Variants in OGFRL1 observed in about 807,000 individuals in gnomAD.
OGFRL1 encodes opioid growth factor receptor-like protein 1.
Under a neutral mutation model 32.4 loss-of-function variants are expected in OGFRL1, and 26 were observed. That is an observed-to-expected ratio of 0.80 (90% CI 0.59 to 1.11). The LOEUF (loss-of-function observed/expected upper bound fraction) is 1.11. Ranked by LOEUF, OGFRL1 falls within the 50% of genes most tolerant of loss-of-function variation. The pLI is 0.00. For synonymous variants in OGFRL1, 211 were observed against 201.2 expected (o/e 1.05, Z -0.41); for missense variants, 521 against 546.4 (o/e 0.95, Z 0.46).
rs950733766 is a variant in OGFRL1, at chr6:71,306,351, C to T, written c.*4302C>T. On this transcript the variant is annotated 3_prime_UTR_variant, in exon 7 of 7. Coordinates refer to ENST00000370435, the MANE Select transcript of OGFRL1 (RefSeq NM_024576.5). ...GGGTGACAGTGAGTACTACCCTGCT[C>T]CTTCTGCATTCTAGTTATCCAACAC... The T allele has an allele frequency of 9.9e-5, 15 of 152,078 alleles. No individual in the cohort carries two copies. The highest frequency in any genetic ancestry group is 2.9e-5 in the Non-Finnish European group (2 of 68,008). 9.4% of individuals were successfully genotyped at this position (152,078 alleles called of 1,614,324 possible).
Position 71,301,890 on chromosome 6 carries a change from T to C in OGFRL1, c.1197T>C (p.Asn399=). ...CAAGAAATACAGAGAAGGACAGTAA[T>C]GCTGAGAACATGAATTCTCAACCTG... ...AKPRNTEKDS[N]AENMNSQPEK... is the part of the protein sequence containing the mutation. The change falls in exon 7 of 7, where the codon AAT becomes AAC. Residue 399 remains asparagine (N), a synonymous_variant. Transcript: ENST00000370435. The C allele has an allele frequency of 4.3e-6, 7 of 1,613,962 alleles. No homozygotes were observed. Among genetic ancestry groups the C allele is most frequent in the Non-Finnish European group, 5.9e-6 (7 of 1,179,978 alleles).
chr6:71,289,094 C>A lies in OGFRL1; in HGVS notation c.158C>A (p.Pro53His). ...PGQESEQPAQ[P>H]PEQAGGRPGA... ...CAGGAGTCCGAGCAGCCCGCGCAGC[C>A]CCCGGAGCAAGCCGGCGGGCGGCCC... is the stretch of plus-strand genomic sequence containing the variant. The change falls in exon 1 of 7, where the codon CCC (proline) becomes CAC (histidine). Residue 53 changes from proline (P) to histidine (H), a missense_variant. Pro to His is a moderately conservative substitution (Grantham distance 77). Coordinates refer to ENST00000370435, the MANE Select transcript of OGFRL1 (RefSeq NM_024576.5). 8.9e-7 allele frequency: 1 copy of A among 1,124,886 alleles called. No individual in the cohort carries two copies. The highest frequency in any genetic ancestry group is 1.1e-6 in the Non-Finnish European group (1 of 920,506). 69.7% of individuals were successfully genotyped at this position (1,124,886 alleles called of 1,614,324 possible).
intron 1 of OGFRL1, chr6:71,289,749 C>A (rs1436806661): frequency 1.0e-6 from 1 of 985,294 alleles, no homozygotes; most frequent in South Asian, 4.7e-5. Flanking sequence ...AATCTTATTT[C>A]ACCAGAAGAC....
At chr6:71,291,042 T>G (rs1476406564) in intron 1 of OGFRL1, among the ~76,000 whole-genome samples, 2 of 152,158 alleles carry the variant, frequency 1.3e-5, no homozygotes, top group African/African-American at 4.8e-5. Context: ...CAAGGAGTGA[T>G]GACGACTGAG....
rs942020441 is a variant in OGFRL1, at chr6:71,297,877, C to T, written c.692+1060C>T. On this transcript the variant is annotated intron_variant, in intron 6 of 6. Coordinates refer to ENST00000370435, the MANE Select transcript of OGFRL1 (RefSeq NM_024576.5). ...TGCAGGTTAGTTACATATGTATACA[C>T]GTGCCATGTTGGTGTGCTGCACCTA... Among the ~76,000 whole-genome samples, 6 of 151,538 alleles carry T rather than the reference C, an allele frequency of 4.0e-5. 1 individual carries two copies. The highest frequency in any genetic ancestry group is 4.2e-4 in the South Asian group (2 of 4,796).
At chr6:71,289,639 G>A (rs1294896066) in intron 1 of OGFRL1, 1 of 984,446 alleles carries the variant, frequency 1.0e-6, no homozygotes, top group African/African-American at 1.8e-5. Context: ...CCTACAGTGG[G>A]GTCTAAGCCG....
chr6:71,296,384 T>C lies in OGFRL1; in HGVS notation c.468T>C (p.Thr156=). ...ATGAAAAACTGGAGCACAACCACAC[T>C]TACATTCAATGGTCAGTTACATATT... is the stretch of plus-strand genomic sequence containing the variant. ...GDYEKLEHNH[T]YIQWLFPLRE... Residue 156 remains threonine, a synonymous_variant, in exon 4 of 7, where the codon ACT becomes ACC. Transcript: ENST00000370435. 6.2e-7 allele frequency: 1 copy of C among 1,611,394 alleles called. No homozygotes were observed. The highest frequency in any genetic ancestry group is 8.5e-7 in the Non-Finnish European group (1 of 1,177,964).
At position 71,307,433 on chromosome 6, in the gene OGFRL1, G is replaced by T. The variant is rs944761844; in HGVS notation, c.*5384G>T. The T allele has an allele frequency of 6.6e-6, 1 of 152,132 alleles. No homozygotes were observed. The highest frequency in any genetic ancestry group is 1.9e-4 in the East Asian group (1 of 5,196). The allele number at this position is 152,132 out of a possible 1,614,324, so 9.4% of individuals were successfully genotyped here. On this transcript the variant is annotated 3_prime_UTR_variant, in exon 7 of 7. Transcript: ENST00000370435. ...TGTTTAGAAAACTGTGAGCAGTTGG[G>T]CATTAGTAAATTGTAGTTATATCTT...
chr6:71,290,743 A>G (rs1258376104), intron 1 of OGFRL1, among the ~76,000 whole-genome samples: 1 of 152,200 alleles, frequency 6.6e-6, no homozygotes, highest in Non-Finnish European at 1.5e-5. Flanking sequence ...CGTATCCCAG[A>G]CTGACTCCTT....
chr6:71,289,286 C>G, intron 1 of OGFRL1, 116 bp downstream of exon 1: 1 of 1,011,002 alleles, frequency 9.9e-7, no homozygotes, highest in Non-Finnish European at 1.2e-6. Context: ...CTGCTCGCCG[C>G]TGCGACCCGA....
rs1350886825 is a variant in OGFRL1 at position 71,307,180 on chromosome 6, G to C, written c.*5131G>C. The C allele has an allele frequency of 6.6e-6, 1 of 152,172 alleles. No individual in the cohort carries two copies. The highest frequency in any genetic ancestry group is 3.2e-3 in the Middle Eastern group (1 of 316). 9.4% of individuals were successfully genotyped at this position (152,172 alleles called of 1,614,324 possible). On this transcript the variant is annotated 3_prime_UTR_variant, in exon 7 of 7. Transcript: ENST00000370435. ...TGGCTGGAAGTAGAGTTCAGAGAGG[G>C]AGAAGGGACAAGAATCAGTGTGGGC...
intron 6 of OGFRL1, among the ~76,000 whole-genome samples, chr6:71,300,483 A>G (rs1427353487): frequency 6.6e-6 from 1 of 152,230 alleles, no homozygotes. Context: ...AAGATTTAAA[A>G]TTATCAGATA....
Position 71,301,702 on chromosome 6 carries a change from AAC to A in OGFRL1, c.1011_1012del (p.Asn337LysfsTer23). On this transcript the variant is annotated frameshift_variant, in exon 7 of 7. Coordinates refer to ENST00000370435, the MANE Select transcript of OGFRL1 (RefSeq NM_024576.5). LOFTEE classifies it low-confidence loss of function (END_TRUNC). ...GTCTTCCCCTCTCGCCTCCAGTCAT[AAC>A]AGTCAAACTTCTATGCACAAAAAAG... ...KMSSPLASSHNSQTSMHKKAK... is the reference protein window; with the variant it reads ...KMSSPLASSHXSQTSMHKKAK... 1 of 1,614,018 alleles carries A rather than the reference AAC, an allele frequency of 6.2e-7. No homozygotes were observed. Among genetic ancestry groups the A allele is most frequent in the Non-Finnish European group, 8.5e-7 (1 of 1,180,030 alleles).
In OGFRL1 at chr6:71,299,093, A is replaced by G. The variant is rs115864692; in HGVS notation, c.692+2276A>G. 5.3e-3 allele frequency among the ~76,000 whole-genome samples: 806 copies of G among 152,310 alleles called. 7 individuals are homozygous for G. Among genetic ancestry groups the G allele is most frequent in the African/African-American group, 0.019 (776 of 41,574 alleles). ...GTGTTTTCAATTTTGTTTGTAATCA[A>G]CTTGGATTACTGAGCCATATTTAGA... On this transcript the variant is annotated intron_variant, in intron 6 of 6. Transcript: ENST00000370435.
rs987705970 is a variant in OGFRL1 at position 71,306,419 on chromosome 6, T to C, written c.*4370T>C. On this transcript the variant is annotated 3_prime_UTR_variant, in exon 7 of 7. Coordinates refer to ENST00000370435, the MANE Select transcript of OGFRL1 (RefSeq NM_024576.5). ...CAGGGACAGAATGTGTTTTTAGAAA[T>C]CCCTTATTATTGAAATGAATAATAA... 1.3e-5 allele frequency: 2 copies of C among 152,156 alleles called. No homozygotes were observed. Among genetic ancestry groups the C allele is most frequent in the Non-Finnish European group, 2.9e-5 (2 of 68,040 alleles). The allele number at this position is 152,156 out of a possible 1,614,324, so 9.4% of individuals were successfully genotyped here. A position where few individuals can be genotyped will look rare whatever the true frequency, so the allele number is the denominator to read the frequency against.
At chr6:71,292,589 T>G (rs1766083687) in intron 1 of OGFRL1, among the ~76,000 whole-genome samples, 1 of 152,182 alleles carries the variant, frequency 6.6e-6, no homozygotes, top group Non-Finnish European at 1.5e-5. Flanking sequence ...TACTTAAGAG[T>G]TTGAACAGTA....
Position 71,296,752 on chromosome 6 carries a change from G to C in OGFRL1, c.627G>C (p.Leu209=), listed in dbSNP as rs1766223030. The change falls in exon 6 of 7, where the codon CTG becomes CTC. Residue 209 remains leucine (L), a synonymous_variant. Transcript: ENST00000370435. The part of the protein sequence containing the change: ...KMMLEFFGIK[L]TDKTGNVARA... ...TGCTAGAATTTTTTGGAATAAAACT[G>C]ACTGATAAAACTGGAAATGTTGCTC... 2 of 1,613,504 alleles carry C rather than the reference G, an allele frequency of 1.2e-6. No individual in the cohort carries two copies. Among genetic ancestry groups the C allele is most frequent in the African/African-American group, 2.7e-5 (2 of 74,864 alleles).
intron 3 of OGFRL1, among the ~76,000 whole-genome samples, chr6:71,294,335 G>A (rs1244859423): frequency 1.3e-5 from 2 of 152,138 alleles, no homozygotes. Flanking sequence ...TAGGAAAGCT[G>A]GCTTCTCTCC....
At position 71,303,590 on chromosome 6, in the gene OGFRL1, GACA is replaced by G; in HGVS notation, c.*1542_*1544del. 1 of 152,262 alleles carries G rather than the reference GACA, an allele frequency of 6.6e-6. No individual in the cohort carries two copies. The highest frequency in any genetic ancestry group is 2.1e-4 in the South Asian group (1 of 4,830). The allele number at this position is 152,262 out of a possible 1,614,324, so 9.4% of individuals were successfully genotyped here. A position where few individuals can be genotyped will look rare whatever the true frequency, so the allele number is the denominator to read the frequency against. On this transcript the variant is annotated 3_prime_UTR_variant, in exon 7 of 7. Coordinates refer to ENST00000370435, the MANE Select transcript of OGFRL1 (RefSeq NM_024576.5). ...GGCATGCCTCTTGCACTGTGAACAA[GACA>G]GTAGTCCCTTAAACCATGAATATGT... is the stretch of plus-strand genomic sequence containing the variant.
Sources: gnomAD v4.1 joint callset for allele counts (sites outside exome capture counted in the v4.1 genomes callset) on GRCh38, gnomAD v4.1.1 for gene constraint, MANE v1.5 for transcripts, NCBI Gene and HGNC (gene_info 2026-07-23, HGNC 2026-07-21) for gene names.